The following CCAR1 variants were observed in gnomAD, a reference collection of about 807,000 sequenced individuals.
The protein encoded by CCAR1 is cell division cycle and apoptosis regulator 1, also known as cell division cycle and apoptosis regulator protein 1.
A neutral mutation model predicts 163.8 loss-of-function variants in CCAR1; 78 were observed. That is an observed-to-expected ratio of 0.48 (90% CI 0.40 to 0.57). The LOEUF (loss-of-function observed/expected upper bound fraction) is 0.57. CCAR1 is among the 20% of genes least tolerant of loss of function. The probability of loss-of-function intolerance (pLI) is 0.00; values close to 1 mark genes in which losing one functional copy is unlikely to be tolerated. For missense variants in CCAR1, 1,019 were observed against 1,365.2 expected (o/e 0.75, Z 4.00); for synonymous variants, 443 against 460.7 (o/e 0.96, Z 0.49).
Position 68,740,820 on chromosome 10 carries a change from A to G in CCAR1, c.324+159A>G, listed in dbSNP as rs115143105. Among the ~76,000 whole-genome samples, 759 of 151,994 alleles carry G rather than the reference A, an allele frequency of 5.0e-3. 5 individuals are homozygous for G. The highest frequency in any genetic ancestry group is 0.017 in the African/African-American group (726 of 41,514). ...AATAAAGGTAGTAGTATGCTAGTTT[A>G]TTTTTGATGGTTTCTCCTTGTAGGT... On this transcript the variant is annotated intron_variant, in intron 5 of 24. Transcript: ENST00000265872.
At chr10:68,771,810 T>G (rs1167696277) in intron 18 of CCAR1, among the ~76,000 whole-genome samples, 1 of 152,098 alleles carries the variant, frequency 6.6e-6, no homozygotes, top group Non-Finnish European at 1.5e-5. Context: ...ATTCAGATCT[T>G]CAAATTAAGC....
intron 16 of CCAR1, 44 bp from the exon 17 acceptor site, chr10:68,765,844 C>G (rs1408271063): frequency 5.1e-6 from 7 of 1,379,484 alleles, no homozygotes; most frequent in Non-Finnish European, 6.1e-6. Flanking sequence ...GTATATACAT[C>G]CTACTTGCAG....
intron 3 of CCAR1, 38 bp from the exon 4 acceptor site, chr10:68,737,807 T>G (rs2056131397): frequency 8.0e-7 from 1 of 1,245,290 alleles, no homozygotes; most frequent in Non-Finnish European, 1.2e-6. Context: ...ATTTAGTGTC[T>G]GTATTTTTCT....
chr10:68,770,068 G>A (rs7094015), intron 17 of CCAR1, among the ~76,000 whole-genome samples: 12,079 of 151,960 alleles, frequency 0.079, 1,338 homozygotes, highest in African/African-American at 0.25. Context: ...CCCTAATCCA[G>A]AATTTTCTTC....
chr10:68,785,282 A>G (rs61869870), intron 19 of CCAR1, among the ~76,000 whole-genome samples: 4,886 of 149,688 alleles, frequency 0.033, 127 homozygotes, highest in Non-Finnish European at 0.051. Context: ...GTGCAGTAGC[A>G]TGAACATGGA....
intron 23 of CCAR1, 76 bp from the exon 24 acceptor site, chr10:68,789,634 C>A: frequency 2.3e-6 from 2 of 854,034 alleles, no homozygotes; most frequent in Non-Finnish European, 3.6e-6. Context: ...ATTTTCACAG[C>A]TTAAATATTT....
intron 19 of CCAR1, among the ~76,000 whole-genome samples, chr10:68,777,235 A>G (rs1189725723): frequency 6.6e-6 from 1 of 152,234 alleles, no homozygotes; most frequent in Non-Finnish European, 1.5e-5. Context: ...GATTATATTA[A>G]TAGACCCCTA....
At chr10:68,728,027 C>T (rs1365365996) in intron 2 of CCAR1, among the ~76,000 whole-genome samples, 2 of 152,054 alleles carry the variant, frequency 1.3e-5, no homozygotes, top group Non-Finnish European at 2.9e-5. Flanking sequence ...AGTAGAGACA[C>T]GGTTTCACCA....
At chr10:68,781,121 A>G (rs966790629) in intron 19 of CCAR1, among the ~76,000 whole-genome samples, 4 of 151,924 alleles carry the variant, frequency 2.6e-5, no homozygotes, top group South Asian at 4.1e-4. Context: ...AATACCAGCT[A>G]CTCGGGAGGC....
chr10:68,740,537 A>G, intron 4 of CCAR1, 92 bp from the exon 5 acceptor site: 1 of 1,036,322 alleles, frequency 9.6e-7, no homozygotes, highest in Non-Finnish European at 1.5e-6. Flanking sequence ...TAAGTAGAAT[A>G]ACTTTTATAG....
At position 68,774,808 on chromosome 10, in the gene CCAR1, C is replaced by T. The variant is rs1163007338; in HGVS notation, c.2650+1709C>T. 4 of 316,982 alleles carry T rather than the reference C, an allele frequency of 1.3e-5. No homozygotes were observed. In the East Asian group the frequency reaches 3.0e-4, roughly 24 times the overall value. 19.6% of individuals were successfully genotyped at this position (316,982 alleles called of 1,614,324 possible). On this transcript the variant is annotated intron_variant, in intron 19 of 24. Coordinates refer to ENST00000265872, the MANE Select transcript of CCAR1 (RefSeq NM_018237.4). ...ATTTAAAATACAGTAGATGCTCTGA[C>T]CGTAGACATCAACGATCAAATACCT...
At chr10:68,751,659 TC>T (rs2056332368) in intron 10 of CCAR1, among the ~76,000 whole-genome samples, 1 of 151,606 alleles carries the variant, frequency 6.6e-6, no homozygotes, top group Non-Finnish European at 1.5e-5. Context: ...GGTCAGGAGT[TC>T]AAGGCCAGCC....
intron 6 of CCAR1, 96 bp downstream of exon 6, chr10:68,742,665 C>G: frequency 1.0e-6 from 1 of 990,226 alleles, no homozygotes; most frequent in Non-Finnish European, 1.6e-6. Flanking sequence ...AGGCTGGACA[C>G]AGTTGTGCAA....
chr10:68,725,215 A>G (rs569421044), intron 2 of CCAR1, among the ~76,000 whole-genome samples: 2 of 152,260 alleles, frequency 1.3e-5, no homozygotes, highest in East Asian at 1.9e-4. Flanking sequence ...GGCCCGGTGC[A>G]GCACTTTGGG....
chr10:68,789,822 G>A lies in CCAR1; in HGVS notation c.3300G>A (p.Ser1100=), dbSNP rs11594683. 0.057 allele frequency: 91,593 copies of A among 1,606,568 alleles called. 2,893 individuals are homozygous for A. Among genetic ancestry groups the A allele is most frequent in the Admixed American group, 0.09 (5,339 of 59,144 alleles). ...AGTTACAAGAAAACTTAAAGATTTC[G>A]GAAAACATGAATTTACAATTTGAAA... ...LSQLQENLKI[S]ENMNLQFENQ... The change falls in exon 24 of 25, where the codon TCG becomes TCA. Residue 1100 remains serine (S), a synonymous_variant. Coordinates refer to ENST00000265872, the MANE Select transcript of CCAR1 (RefSeq NM_018237.4).
intron 23 of CCAR1, 81 bp from the exon 24 acceptor site, chr10:68,789,629 C>A: frequency 1.2e-6 from 1 of 816,430 alleles, no homozygotes. Context: ...TTTTTATTTT[C>A]ACAGCTTAAA....
At chr10:68,750,145 A>G (rs1407967324) in intron 10 of CCAR1, among the ~76,000 whole-genome samples, 1 of 152,078 alleles carries the variant, frequency 6.6e-6, no homozygotes, top group Non-Finnish European at 1.5e-5. Context: ...ATGTATATAC[A>G]TAAATATATT....
At chr10:68,764,877 A>T (rs2056517813) in intron 16 of CCAR1, among the ~76,000 whole-genome samples, 1 of 152,158 alleles carries the variant, frequency 6.6e-6, no homozygotes, top group Non-Finnish European at 1.5e-5. Flanking sequence ...CACTTTCATC[A>T]TCTACAGGGA....
chr10:68,767,250 A>G (rs1280336267), intron 17 of CCAR1, among the ~76,000 whole-genome samples: 1 of 152,086 alleles, frequency 6.6e-6, no homozygotes, highest in African/African-American at 2.4e-5. Flanking sequence ...TTATTAATCT[A>G]TTTTTTGTAT....
Sources: allele counts gnomAD v4.1 joint callset (sites outside exome capture counted in the v4.1 genomes callset), GRCh38; gene constraint gnomAD v4.1.1; transcripts MANE v1.5; gene names NCBI Gene and HGNC (gene_info 2026-07-23, HGNC 2026-07-21).